NRG1: variants seen among roughly 807,000 people sequenced by gnomAD.
NRG1 encodes the protein pro-neuregulin-1, membrane-bound isoform.
In NRG1, 18 loss-of-function variants were observed where a neutral mutation model predicts 63.8. The ratio of observed to expected loss-of-function variants is 0.28; its 90% CI spans 0.19 to 0.42. The LOEUF (loss-of-function observed/expected upper bound fraction) is 0.42, where lower values mean the gene tolerates loss of function less well. Ranked by LOEUF, NRG1 falls within the 10% of genes least tolerant of loss-of-function variation. The pLI, the probability that NRG1 is intolerant of heterozygous loss-of-function variation, is 1.00. For synonymous variants in NRG1, 302 were observed against 301.3 expected (o/e 1.00, Z -0.02); for missense variants, 762 against 814.7 (o/e 0.94, Z 0.79).
chr8:32,066,999 G>T (rs928483867), intron 1 of NRG1, among the ~76,000 whole-genome samples: 1 of 151,970 alleles, frequency 6.6e-6, no homozygotes, highest in African/African-American at 2.4e-5. Flanking sequence ...TGTCTGTTAT[G>T]GGTGGATAAG....
intron 1 of NRG1, among the ~76,000 whole-genome samples, chr8:32,222,066 T>C (rs10091139): frequency 6.5e-5 from 9 of 139,108 alleles, no homozygotes; most frequent in East Asian, 4.2e-4. Context: ...CACACACACA[T>C]GCACACACAC....
chr8:32,479,205 G>T (rs1824910272), intron 1 of NRG1, among the ~76,000 whole-genome samples: 1 of 152,154 alleles, frequency 6.6e-6, no homozygotes, highest in Non-Finnish European at 1.5e-5. Flanking sequence ...GCCAGATGTG[G>T]TGGCTCACAC....
intron 1 of NRG1, among the ~76,000 whole-genome samples, chr8:32,259,274 T>C (rs1358708757): frequency 1.3e-5 from 2 of 152,224 alleles, no homozygotes; most frequent in East Asian, 1.9e-4. Flanking sequence ...ATGGGGCCTT[T>C]AACAGGCGAT....
chr8:31,807,685 C>A (rs1370609026), intron 1 of NRG1, among the ~76,000 whole-genome samples: 1 of 152,100 alleles, frequency 6.6e-6, no homozygotes, highest in Admixed American at 6.6e-5. Context: ...GGATTTCTAG[C>A]ATTTGTCTTT....
chr8:32,654,705 A>G (rs1855913336), intron 5 of NRG1, among the ~76,000 whole-genome samples: 1 of 152,092 alleles, frequency 6.6e-6, no homozygotes, highest in Admixed American at 6.6e-5. Flanking sequence ...CTGTCTCCCA[A>G]CAATATAATA....
chr8:32,132,202 T>C (rs1834917697), intron 1 of NRG1, among the ~76,000 whole-genome samples: 1 of 152,098 alleles, frequency 6.6e-6, no homozygotes. Flanking sequence ...TTCATGTGTG[T>C]TGTCTCCAAG....
At chr8:32,169,449 CA>C in intron 1 of NRG1, among the ~76,000 whole-genome samples, 1 of 152,186 alleles carries the variant, frequency 6.6e-6, no homozygotes, top group East Asian at 1.9e-4. Context: ...TCCAGCTGAC[CA>C]AAAGAAAATA....
chr8:31,835,079 A>C (rs79546406), intron 1 of NRG1, among the ~76,000 whole-genome samples: 1 of 152,234 alleles, frequency 6.6e-6, no homozygotes, highest in Non-Finnish European at 1.5e-5. Context: ...ATTGTAAAAA[A>C]TGTTTAATAG....
At chr8:31,815,781 G>T (rs565943722) in intron 1 of NRG1, among the ~76,000 whole-genome samples, 1 of 151,566 alleles carries the variant, frequency 6.6e-6, no homozygotes, top group Non-Finnish European at 1.5e-5. Context: ...AGTAATTGTG[G>T]TTTTTGCCAT....
intron 1 of NRG1, among the ~76,000 whole-genome samples, chr8:32,110,188 G>C (rs746991330): frequency 4.6e-5 from 7 of 152,156 alleles, no homozygotes; most frequent in Non-Finnish European, 1.0e-4. Flanking sequence ...AAAAACCTAA[G>C]TAAGACCCTT....
At chr8:32,072,831 A>T (rs1260708415) in intron 1 of NRG1, among the ~76,000 whole-genome samples, 2 of 151,928 alleles carry the variant, frequency 1.3e-5, no homozygotes, top group African/African-American at 2.4e-5. Context: ...ACAAATTACA[A>T]CTCCTACACA....
intron 3 of NRG1, among the ~76,000 whole-genome samples, chr8:32,606,861 A>G (rs1250615446): frequency 1.3e-5 from 2 of 152,078 alleles, no homozygotes; most frequent in Admixed American, 6.6e-5. Context: ...GGTTAATTCT[A>G]TGGGAGGCTG....
At chr8:31,899,875 G>A (rs1306979481) in intron 1 of NRG1, among the ~76,000 whole-genome samples, 3 of 152,092 alleles carry the variant, frequency 2.0e-5, no homozygotes, top group Admixed American at 6.5e-5. Flanking sequence ...ATAATAAGAC[G>A]AATGGAAGAC....
intron 1 of NRG1, among the ~76,000 whole-genome samples, chr8:32,115,926 T>C (rs1054897292): frequency 1.3e-5 from 2 of 152,150 alleles, no homozygotes; most frequent in African/African-American, 4.8e-5. Flanking sequence ...AATTTTATCA[T>C]TAACCAATCT....
intron 1 of NRG1, among the ~76,000 whole-genome samples, chr8:31,770,770 C>CATATATAT (rs4036035): frequency 2.0e-3 from 282 of 140,474 alleles, no homozygotes; most frequent in Non-Finnish European, 2.5e-3. Flanking sequence ...GTATAATAAA[C>CATATATAT]ATATATATAT....
chr8:31,844,701 A>G (rs1759933355), intron 1 of NRG1, among the ~76,000 whole-genome samples: 1 of 151,796 alleles, frequency 6.6e-6, no homozygotes, highest in Non-Finnish European at 1.5e-5. Context: ...AATAAAACCT[A>G]CCCCCAAAAG....
At chr8:32,029,331 A>C (rs570946396) in intron 1 of NRG1, 53 of 152,346 alleles carry the variant, frequency 3.5e-4, no homozygotes, top group African/African-American at 1.2e-3. Context: ...ACAAAATTTC[A>C]ACACATTTCA....
chr8:32,646,169 G>T (rs1853485360), intron 5 of NRG1, among the ~76,000 whole-genome samples: 1 of 152,112 alleles, frequency 6.6e-6, no homozygotes, highest in African/African-American at 2.4e-5. Flanking sequence ...CTTTGGGTGA[G>T]ATAGAATAAA....
intron 1 of NRG1, among the ~76,000 whole-genome samples, chr8:32,408,432 C>T (rs886938070): frequency 6.6e-6 from 1 of 152,104 alleles, no homozygotes; most frequent in Non-Finnish European, 1.5e-5. Flanking sequence ...AGTGAGAAGC[C>T]ATTCCTCAGC....
Sources: allele counts gnomAD v4.1 joint callset (sites outside exome capture counted in the v4.1 genomes callset), GRCh38; gene constraint gnomAD v4.1.1; transcripts MANE v1.5; gene names NCBI Gene and HGNC (gene_info 2026-07-23, HGNC 2026-07-21).